Variants in TEP1 observed in about 807,000 individuals in gnomAD.
The protein encoded by TEP1 is telomerase protein component 1.
Under a neutral mutation model 306.3 loss-of-function variants are expected in TEP1, and 241 were observed. That is an observed-to-expected ratio of 0.79 (90% confidence interval 0.71 to 0.88). The LOEUF (loss-of-function observed/expected upper bound fraction) is 0.88, where lower values mean the gene tolerates loss of function less well. Among genes scored for constraint, TEP1 ranks in the 40% least tolerant of loss-of-function variants. TEP1 has a pLI of 0.00. For missense variants in TEP1, 3,051 were observed against 3,276.1 expected (o/e 0.93, Z 1.68); for synonymous variants, 1,289 against 1,305.5 (o/e 0.99, Z 0.27).
At position 20,407,994 on chromosome 14, in the gene TEP1, C is replaced by A. The variant is rs1355305719; in HGVS notation, c.446G>T (p.Cys149Phe). Residue 149 changes from cysteine (C) to phenylalanine (F), a missense_variant, in exon 2 of 55, where the codon TGC (cysteine) becomes TTC (phenylalanine). Cys to Phe is a radical substitution (Grantham distance 205, BLOSUM62 -2). Around this residue, in one of 3 missense-constraint regions of TEP1, gnomAD observed 1,507 missense variants for 1,550.5 expected, o/e 0.97. Transcript: ENST00000262715. Reference protein sequence around the residue: ...ADLYRVNNSNCLLSEPPSWRA... With the variant: ...ADLYRVNNSNFLLSEPPSWRA... ...CCAACTTGGAGGCTCAGAGAGCAGG[C>A]AATTGCTGTTGTTCACACGGTACAA... The A allele has an allele frequency of 1.2e-6, 2 of 1,614,190 alleles. No homozygotes were observed. The highest frequency in any genetic ancestry group is 1.7e-6 in the Non-Finnish European group (2 of 1,180,034).
chr14:20,402,303 G>A (rs575415949), intron 7 of TEP1, among the ~76,000 whole-genome samples: 6 of 152,174 alleles, frequency 3.9e-5, no homozygotes, highest in South Asian at 2.1e-4. Flanking sequence ...GCAAGACTTC[G>A]TCTCAAAAAT....
chr14:20,368,354 T>TA lies in TEP1; in HGVS notation c.*82_*83insT, dbSNP rs1410342676. On this transcript the variant is annotated 3_prime_UTR_variant, in exon 55 of 55. Coordinates refer to ENST00000262715, the MANE Select transcript of TEP1 (RefSeq NM_007110.5). ...TTATAATTATCAAGAAATTATTAAT[T>TA]TTATAATTATTAAAAGCTACCAGTG... 1.4e-6 allele frequency: 2 copies of TA among 1,442,586 alleles called. No individual in the cohort carries two copies. Among genetic ancestry groups the TA allele is most frequent in the African/African-American group, 2.9e-5 (2 of 69,636 alleles). 89.4% of individuals were successfully genotyped at this position (1,442,586 alleles called of 1,614,324 possible).
At chr14:20,383,452 C>T in intron 26 of TEP1, 36 bp downstream of exon 26, 1 of 1,613,520 alleles carries the variant, frequency 6.2e-7, no homozygotes, top group Non-Finnish European at 8.5e-7. Flanking sequence ...TTCTCCCCAG[C>T]CTGCCTCCCG....
rs751058406 is a variant in TEP1, at chr14:20,371,241, C to T, written c.7294G>A (p.Asp2432Asn). 30 of 1,614,010 alleles carry T rather than the reference C, an allele frequency of 1.9e-5. No individual in the cohort carries two copies. Among genetic ancestry groups the T allele is most frequent in the Non-Finnish European group, 1.7e-6 (2 of 1,179,992 alleles). ...ACCAAGAAAGAAAGAACTCCAGGAT[C>T]CTTGGGCTGCAGGACAAATATGCCA... ...EYGIFVLQPK[D>N]PGVLSFLRQK... The change falls in exon 51 of 55, where the codon GAT becomes AAT. Residue 2432 changes from aspartate to asparagine, a missense_variant. Physicochemically the swap from Asp to Asn is conservative, Grantham distance 23 (BLOSUM62 1). This residue lies in a region of TEP1 where 1,540 missense variants were observed against 1,705.9 expected (regional missense o/e 0.90). Transcript: ENST00000262715.
chr14:20,410,951 A>T (rs1339807597), intron 1 of TEP1, among the ~76,000 whole-genome samples: 1 of 151,504 alleles, frequency 6.6e-6, no homozygotes, highest in Non-Finnish European at 1.5e-5. Context: ...CCCCCCAAGT[A>T]GCTGGGATTA....
In TEP1 at chr14:20,378,462, T is replaced by G. The variant is rs1594331248; in HGVS notation, c.5426A>C (p.His1809Pro). Residue 1809 changes from histidine to proline, a missense_variant, in exon 38 of 55, where the codon CAC becomes CCC. Physicochemically the swap from His to Pro is moderately conservative, Grantham distance 77. Coordinates refer to ENST00000262715, the MANE Select transcript of TEP1 (RefSeq NM_007110.5). Reference protein sequence around the residue: ...YPKSLNCVAFHPEGQVIATGS... With the variant: ...YPKSLNCVAFPPEGQVIATGS... ...TGTGGCTATTACCTGCCCCTCTGGGTGGAAGGCAACACAGTTCAGGGACTT... is the reference window on the plus strand; with the variant it reads ...TGTGGCTATTACCTGCCCCTCTGGGGGGAAGGCAACACAGTTCAGGGACTT... 3 of 1,614,044 alleles carry G rather than the reference T, an allele frequency of 1.9e-6. No homozygotes were observed. The African/African-American group carries it at 4.0e-5, about 22-fold the overall frequency.
chr14:20,398,255 G>A (rs542914214), intron 9 of TEP1, among the ~76,000 whole-genome samples: 1 of 151,464 alleles, frequency 6.6e-6, no homozygotes, highest in South Asian at 2.1e-4. Flanking sequence ...GTGGTCGCCT[G>A]TAATCTCAGC....
rs1343632840 is a variant in TEP1, at chr14:20,368,397, T to C, written c.*40A>G. 2 of 1,601,418 alleles carry C rather than the reference T, an allele frequency of 1.2e-6. No homozygotes were observed. Among genetic ancestry groups the C allele is most frequent in the East Asian group, 4.5e-5 (2 of 44,532 alleles). On this transcript the variant is annotated 3_prime_UTR_variant, in exon 55 of 55. Transcript: ENST00000262715. ...TACCAGTGTCTTCAGGCTTTGCATC[T>C]CTAGCACAAGGGGTATCATTATTCC... is the stretch of plus-strand genomic sequence containing the variant.
intron 39 of TEP1, 28 bp from the exon 40 acceptor site, chr14:20,377,781 T>C: frequency 1.2e-6 from 2 of 1,610,748 alleles, no homozygotes; most frequent in South Asian, 1.1e-5. Context: ...GGCTTAAGGA[T>C]ACCACCTCCA....
chr14:20,380,895 A>G (rs755478098), intron 33 of TEP1, 36 bp downstream of exon 33: 10 of 1,571,104 alleles, frequency 6.4e-6, no homozygotes, highest in Non-Finnish European at 8.8e-6. Context: ...GGAGTCCCAT[A>G]TCTCAGAGAA....
At position 20,369,676 on chromosome 14, in the gene TEP1, G is replaced by C. The variant is rs1566435986; in HGVS notation, c.7421C>G (p.Ser2474Cys). ...CAGGTCCTCCTGTTACCACTCACCA[G>C]ATTCAGGTTTGGCTTGAGTTATCGA... ...LISITQAKPE[S>C]ESSFLCASSD... Residue 2474 changes from serine (S) to cysteine (C), a missense_variant and splice_region_variant, in exon 52 of 55, where the codon TCT (serine) becomes TGT (cysteine). Ser to Cys is a moderately radical substitution (Grantham distance 112). Around this residue, in one of 3 missense-constraint regions of TEP1, gnomAD observed 1,540 missense variants for 1,705.9 expected, o/e 0.90. Coordinates refer to ENST00000262715, the MANE Select transcript of TEP1 (RefSeq NM_007110.5). 1 of 1,613,990 alleles carries C rather than the reference G, an allele frequency of 6.2e-7. No homozygotes were observed. Among genetic ancestry groups the C allele is most frequent in the East Asian group, 2.2e-5 (1 of 44,870 alleles).
rs1433362475 is a variant in TEP1, at chr14:20,384,244, T to G, written c.3340-12A>C. The G allele has an allele frequency of 1.2e-6, 2 of 1,612,758 alleles. No homozygotes were observed. The highest frequency in any genetic ancestry group is 1.7e-6 in the Non-Finnish European group (2 of 1,179,366). Reference sequence around the variant, plus strand: ...AGCAGGGCCCCAGGCTGAGGGTAAATGGGTCAGTGACTATCCATGGTGCCA... The same window carrying G: ...AGCAGGGCCCCAGGCTGAGGGTAAAGGGGTCAGTGACTATCCATGGTGCCA... On this transcript the variant is annotated splice_polypyrimidine_tract_variant and intron_variant, in intron 23 of 54. Coordinates refer to ENST00000262715, the MANE Select transcript of TEP1 (RefSeq NM_007110.5).
intron 1 of TEP1, among the ~76,000 whole-genome samples, chr14:20,410,643 T>C (rs1020807069): frequency 1.3e-5 from 2 of 150,946 alleles, no homozygotes; most frequent in East Asian, 3.9e-4. Flanking sequence ...GGTTCCACTA[T>C]GCTGGCCAGG....
chr14:20,387,226 G>A (rs1474709008), intron 18 of TEP1, among the ~76,000 whole-genome samples: 3 of 148,374 alleles, frequency 2.0e-5, no homozygotes, highest in South Asian at 2.2e-4. Context: ...GAGCCACGGC[G>A]CTCAGCAAGA....
rs961918878 is a variant in TEP1, at chr14:20,365,831, T to C, written c.*2606A>G. The C allele has an allele frequency of 6.6e-6, 1 of 152,226 alleles. No individual in the cohort carries two copies. Among genetic ancestry groups the C allele is most frequent in the Non-Finnish European group, 1.5e-5 (1 of 68,036 alleles). 9.4% of individuals were successfully genotyped at this position (152,226 alleles called of 1,614,324 possible). On this transcript the variant is annotated 3_prime_UTR_variant, in exon 55 of 55. Coordinates refer to ENST00000262715, the MANE Select transcript of TEP1 (RefSeq NM_007110.5). Reference sequence around the variant, plus strand: ...AACCAAACTTTGAGTACCTCTGCTCTAGATTTCAAAAACAGATGTGGATAT... The same window carrying C: ...AACCAAACTTTGAGTACCTCTGCTCCAGATTTCAAAAACAGATGTGGATAT...
rs1885312331 is a variant in TEP1 at position 20,378,185 on chromosome 14, C to A, written c.5560G>T (p.Gly1854Trp). 13 of 1,613,906 alleles carry A rather than the reference C, an allele frequency of 8.1e-6. No homozygotes were observed. The highest frequency in any genetic ancestry group is 1.7e-5 in the Admixed American group (1 of 60,030). The change falls in exon 39 of 55, where the codon GGG (glycine) becomes TGG (tryptophan). Residue 1854 changes from glycine to tryptophan, a missense_variant. By Grantham distance (184) the Gly-to-Trp change is radical. This residue lies in a region of TEP1 where 1,540 missense variants were observed against 1,705.9 expected (regional missense o/e 0.90). Transcript: ENST00000262715. ...AGCCGGCCCACAGCCACAACCCCCC[C>A]AGGCACATTGAAGGCCAAGGTACGG... ...SIRTLAFNVP[G>W]GVVAVGRLDS...
rs539723352 is a variant in TEP1 at position 20,409,856 on chromosome 14, TAA to T, written c.-24-1395_-24-1394del. Among the ~76,000 whole-genome samples the T allele has an allele frequency of 1.5e-3, 231 of 151,232 alleles. 1 individual carries two copies. Among genetic ancestry groups the T allele is most frequent in the Admixed American group, 3.6e-3 (54 of 15,180 alleles). On this transcript the variant is annotated intron_variant, in intron 1 of 54. Coordinates refer to ENST00000262715, the MANE Select transcript of TEP1 (RefSeq NM_007110.5). ...TAACACAGTGAAACCCCATCTCTAC[TAA>T]AAAAATACAAAAAATTAGCCAGGCA...
At chr14:20,387,800 A>G in intron 18 of TEP1, 105 bp downstream of exon 18, 1 of 1,378,248 alleles carries the variant, frequency 7.3e-7, no homozygotes, top group Non-Finnish European at 9.8e-7. Flanking sequence ...TGCCTTCATG[A>G]AGAGAACAAG....
At chr14:20,413,244 A>C (rs1377183880) in intron 1 of TEP1, 161 bp downstream of exon 1, 1 of 149,826 alleles carries the variant, frequency 6.7e-6, no homozygotes, top group Non-Finnish European at 1.5e-5. Flanking sequence ...GGGTGGATGC[A>C]CCCCTAGCTG....
Sources: gnomAD v4.1 joint callset for allele counts (sites outside exome capture counted in the v4.1 genomes callset) on GRCh38, gnomAD v4.1.1 for gene constraint, gnomAD v4.1.1 regional missense constraint, MANE v1.5 for transcripts, NCBI Gene and HGNC (gene_info 2026-07-23, HGNC 2026-07-21) for gene names.